RABGAP1L: variants seen among roughly 807,000 people sequenced by gnomAD.
RABGAP1L encodes the protein RAB GTPase activating protein 1 like.
In RABGAP1L, 63 loss-of-function variants were observed where a neutral mutation model predicts 137.7. The ratio of observed to expected loss-of-function variants is 0.46; its 90% CI spans 0.37 to 0.56. RABGAP1L has a LOEUF of 0.56. Among genes scored for constraint, RABGAP1L ranks in the 20% least tolerant of loss-of-function variants. RABGAP1L has a pLI of 0.00. For missense variants in RABGAP1L, 1,095 were observed against 1,244.0 expected (o/e 0.88, Z 1.80); for synonymous variants, 431 against 433.7 (o/e 0.99, Z 0.08).
At chr1:174,492,900 A>G (rs1054259788) in intron 13 of RABGAP1L, among the ~76,000 whole-genome samples, 1 of 151,494 alleles carries the variant, frequency 6.6e-6, no homozygotes, top group African/African-American at 2.4e-5. Flanking sequence ...AGGTATACTC[A>G]CTTTTTGTTT....
intron 19 of RABGAP1L, among the ~76,000 whole-genome samples, chr1:174,895,480 A>G (rs1198439564): frequency 6.7e-6 from 1 of 149,536 alleles, no homozygotes; most frequent in African/African-American, 2.5e-5. Flanking sequence ...TCTAGGGTAC[A>G]TGTGCACAAC....
chr1:174,358,003 C>T (rs922796593), intron 11 of RABGAP1L, among the ~76,000 whole-genome samples: 1 of 152,216 alleles, frequency 6.6e-6, no homozygotes, highest in East Asian at 1.9e-4. Context: ...ACAACTGAAG[C>T]ACAGAGAGGT....
chr1:174,808,923 C>T (rs1793315), intron 18 of RABGAP1L, among the ~76,000 whole-genome samples: 92,429 of 151,978 alleles, frequency 0.61, 31,177 homozygotes, highest in East Asian at 0.93. Context: ...TCCCAAAGTA[C>T]TGGGAATACA....
At chr1:174,541,859 T>G (rs1665483604) in intron 13 of RABGAP1L, among the ~76,000 whole-genome samples, 1 of 152,222 alleles carries the variant, frequency 6.6e-6, no homozygotes, top group African/African-American at 2.4e-5. Context: ...ATCATCTGTT[T>G]TTTGTCTTTG....
intron 11 of RABGAP1L, among the ~76,000 whole-genome samples, chr1:174,318,592 C>CTTTCTTTCTTTT (rs1679631452): frequency 1.5e-5 from 2 of 136,052 alleles, no homozygotes; most frequent in Non-Finnish European, 3.1e-5. Context: ...TTCTTTCTTT[C>CTTTCTTTCTTTT]TTTCTTTCTT....
intron 11 of RABGAP1L, among the ~76,000 whole-genome samples, chr1:174,328,153 T>C (rs1680715410): frequency 1.3e-5 from 2 of 151,096 alleles, no homozygotes; most frequent in Admixed American, 1.3e-4. Flanking sequence ...GACAGAAAAT[T>C]AACATAGAAA....
intron 13 of RABGAP1L, among the ~76,000 whole-genome samples, chr1:174,541,289 T>C (rs1219751652): frequency 6.6e-6 from 1 of 152,182 alleles, no homozygotes; most frequent in Non-Finnish European, 1.5e-5. Context: ...TATTTCTTTC[T>C]CCTGCCTGAC....
chr1:174,830,096 A>G (rs1573396015), intron 19 of RABGAP1L, among the ~76,000 whole-genome samples: 1 of 148,230 alleles, frequency 6.7e-6, no homozygotes, highest in East Asian at 2.1e-4. Context: ...ATGCTTACTC[A>G]TGCTCAGCAT....
chr1:174,272,345 T>C (rs1215253678), intron 7 of RABGAP1L, 69 bp from the exon 8 acceptor site: 3 of 1,516,614 alleles, frequency 2.0e-6, no homozygotes, highest in Admixed American at 2.2e-5. Context: ...GTAAAAAGGC[T>C]TTATGCTCAC....
At chr1:174,572,006 A>G (rs1158079224) in intron 13 of RABGAP1L, among the ~76,000 whole-genome samples, 1 of 152,186 alleles carries the variant, frequency 6.6e-6, no homozygotes, top group African/African-American at 2.4e-5. Flanking sequence ...ACTCTTGGCA[A>G]AGTTTTGCTC....
intron 14 of RABGAP1L, among the ~76,000 whole-genome samples, chr1:174,672,455 C>T (rs958432621): frequency 6.6e-6 from 1 of 151,304 alleles, no homozygotes; most frequent in African/African-American, 2.4e-5. Context: ...TTTTTACTTT[C>T]CATTCCATTT....
At position 174,993,383 on chromosome 1, in the gene RABGAP1L, T is replaced by C. The variant is rs939383208; in HGVS notation, c.*3382T>C. 2 of 151,816 alleles carry C rather than the reference T, an allele frequency of 1.3e-5. No homozygotes were observed. Among genetic ancestry groups the C allele is most frequent in the Non-Finnish European group, 2.9e-5 (2 of 68,042 alleles). 9.4% of individuals were successfully genotyped at this position (151,816 alleles called of 1,614,324 possible). On this transcript the variant is annotated 3_prime_UTR_variant, in exon 26 of 26. Transcript: ENST00000681986. Reference sequence around the variant, plus strand: ...TTTGTATGGATGTGGGGATATTTAATAGTATGTATCTTGTTTCATTTTTTT... The same window carrying C: ...TTTGTATGGATGTGGGGATATTTAACAGTATGTATCTTGTTTCATTTTTTT...
intron 19 of RABGAP1L, among the ~76,000 whole-genome samples, chr1:174,837,555 C>A (rs1341963855): frequency 6.6e-6 from 1 of 152,166 alleles, no homozygotes; most frequent in African/African-American, 2.4e-5. Flanking sequence ...TACATTCTGG[C>A]CCTGTGGAGA....
chr1:174,603,851 G>T (rs1349570483), intron 13 of RABGAP1L, among the ~76,000 whole-genome samples: 2 of 152,044 alleles, frequency 1.3e-5, no homozygotes, highest in African/African-American at 2.4e-5. Context: ...TCCCGAGCTA[G>T]ATCCTGGGAT....
Position 174,541,798 on chromosome 1 carries a change from G to A in RABGAP1L, c.1711-95577G>A, listed in dbSNP as rs139907692. ...CTCAAAAAAAAAAAAAGTTTTTAGC[G>A]TGAAGGGCTGTTGAATTTTGTCAAA... On this transcript the variant is annotated intron_variant, in intron 13 of 25. Coordinates refer to ENST00000681986, the MANE Select transcript of RABGAP1L (RefSeq NM_001366446.1). Among the ~76,000 whole-genome samples the A allele has an allele frequency of 2.1e-3, 312 of 152,052 alleles. 1 individual carries two copies. The highest frequency in any genetic ancestry group is 7.0e-3 in the African/African-American group (289 of 41,508).
intron 13 of RABGAP1L, among the ~76,000 whole-genome samples, chr1:174,424,802 A>T (rs565060096): frequency 1.3e-5 from 2 of 152,134 alleles, no homozygotes; most frequent in Non-Finnish European, 2.9e-5. Flanking sequence ...TTCATGACAC[A>T]ATTTATATTT....
chr1:174,503,274 A>G (rs1266883322), intron 13 of RABGAP1L, among the ~76,000 whole-genome samples: 4 of 152,236 alleles, frequency 2.6e-5, no homozygotes, highest in Admixed American at 2.0e-4. Context: ...GAAAGAATCC[A>G]TATGGCCCAC....
intron 11 of RABGAP1L, among the ~76,000 whole-genome samples, chr1:174,360,408 T>C (rs888361678): frequency 2.0e-5 from 3 of 152,338 alleles, no homozygotes; most frequent in East Asian, 3.9e-4. Context: ...ATTAATAGTT[T>C]GGCATTATTT....
At chr1:174,733,174 G>A (rs1461093796) in intron 17 of RABGAP1L, among the ~76,000 whole-genome samples, 1 of 152,156 alleles carries the variant, frequency 6.6e-6, no homozygotes. Flanking sequence ...ATAAAAGGAG[G>A]AAGCGGTCAG....
Sources: allele counts gnomAD v4.1 joint callset (sites outside exome capture counted in the v4.1 genomes callset), GRCh38; gene constraint gnomAD v4.1.1; transcripts MANE v1.5; gene names NCBI Gene and HGNC (gene_info 2026-07-23, HGNC 2026-07-21).